The following KANK2 variants were observed in gnomAD, a reference collection of about 807,000 sequenced individuals.
KANK2 encodes KN motif and ankyrin repeat domains 2.
KANK2 carries 41 observed loss-of-function variants against 74.6 expected under a neutral mutation model. That is an observed-to-expected ratio of 0.55 (90% CI 0.43 to 0.71). The LOEUF (loss-of-function observed/expected upper bound fraction) is 0.71. Among genes scored for constraint, KANK2 ranks in the 30% least tolerant of loss-of-function variants. The pLI is 0.00. For synonymous variants in KANK2, 537 were observed against 519.0 expected, an observed-to-expected ratio of 1.03 and a Z score of -0.47; for missense variants, 1,148 against 1,196.4, an observed-to-expected ratio of 0.96 and a Z score of 0.60.
At chr19:11,192,538 G>A (rs905843565) in intron 4 of KANK2, 4 of 366,276 alleles carry the variant, frequency 1.1e-5, no homozygotes, top group South Asian at 2.1e-5. Flanking sequence ...TAGTTCAAGC[G>A]ATTCTCCTGC....
chr19:11,188,438 C>T (rs937469018), intron 4 of KANK2, among the ~76,000 whole-genome samples: 1 of 151,664 alleles, frequency 6.6e-6, no homozygotes, highest in African/African-American at 2.4e-5. Flanking sequence ...CTCCTGACCT[C>T]AGGTGATCTG....
Position 11,164,965 on chromosome 19 carries a change from A to G in KANK2, c.*1593T>C, listed in dbSNP as rs1042683298. On this transcript the variant is annotated 3_prime_UTR_variant, in exon 13 of 13. Coordinates refer to ENST00000586659, the MANE Select transcript of KANK2 (RefSeq NM_001136191.3). ...CTTTAAAGCCTTGGAGGCTGAGCTCACTGGCCTCGAAAGGGCAGCGCGCGT... is the reference window on the plus strand; with the variant it reads ...CTTTAAAGCCTTGGAGGCTGAGCTCGCTGGCCTCGAAAGGGCAGCGCGCGT... The G allele has an allele frequency of 4.6e-5, 7 of 152,144 alleles. No homozygotes were observed. Among genetic ancestry groups the G allele is most frequent in the African/African-American group, 1.7e-4 (7 of 41,440 alleles). 9.4% of individuals were successfully genotyped at this position (152,144 alleles called of 1,614,324 possible).
chr19:11,177,599 G>A (rs1399415491), intron 6 of KANK2, among the ~76,000 whole-genome samples: 1 of 151,994 alleles, frequency 6.6e-6, no homozygotes, highest in Non-Finnish European at 1.5e-5. Context: ...TGATCCACCC[G>A]CCTCAGCCTC....
In KANK2 at chr19:11,193,048, G is replaced by C. The variant is rs376034866; in HGVS notation, c.1032C>G (p.Ser344Arg). Residue 344 changes from serine (S) to arginine (R), a missense_variant, in exon 4 of 13, where the codon AGC becomes AGG. Physicochemically the swap from Ser to Arg is moderately radical, Grantham distance 110 (BLOSUM62 -1). Coordinates refer to ENST00000586659, the MANE Select transcript of KANK2 (RefSeq NM_001136191.3). The surrounding 1 kb of genome is among the most constrained non-coding windows in gnomAD (Gnocchi z 9.6). ...EGPREVEVVA[S>R]TAAGAPAQRA... ...GCTGTGCGGGGGCGCCAGCGGCTGT[G>C]CTGGCCACCACCTCCACCTCCCGTG... The C allele has an allele frequency of 2.5e-6, 4 of 1,611,436 alleles. No individual in the cohort carries two copies. The African/African-American group carries it at 4.0e-5, about 16-fold the overall frequency.
At chr19:11,188,316 C>G (rs2078735895) in intron 4 of KANK2, among the ~76,000 whole-genome samples, 1 of 151,826 alleles carries the variant, frequency 6.6e-6, no homozygotes, top group African/African-American at 2.4e-5. Context: ...TCAAGCGATT[C>G]TCCTGTCTCA....
Position 11,176,785 on chromosome 19 carries a change from G to T in KANK2, c.1553C>A (p.Ala518Glu). 6.3e-7 allele frequency: 1 copy of T among 1,580,578 alleles called. No homozygotes were observed. ...YESSSEDSSTAENISDNDSTE... is the reference protein window; with the variant it reads ...YESSSEDSSTEENISDNDSTE... ...GCTGTCGTTGTCTGAGATGTTCTCT[G>T]CTGTGCTGGAGTCCTCGGATGACGA... The change falls in exon 7 of 13, where the codon GCA (alanine) becomes GAA (glutamate). Residue 518 changes from alanine to glutamate, a missense_variant. Physicochemically the swap from Ala to Glu is moderately radical, Grantham distance 107. Transcript: ENST00000586659.
chr19:11,180,141 C>T (rs1006666916), intron 4 of KANK2, among the ~76,000 whole-genome samples: 4 of 152,224 alleles, frequency 2.6e-5, no homozygotes, highest in African/African-American at 9.6e-5. Flanking sequence ...CGGAGCAGCA[C>T]CGCCCAGCCC....
rs758844750 is a variant in KANK2 at position 11,193,655 on chromosome 19, G to A, written c.425C>T (p.Pro142Leu). 2 of 1,601,288 alleles carry A rather than the reference G, an allele frequency of 1.2e-6. No homozygotes were observed. Among genetic ancestry groups the A allele is most frequent in the Admixed American group, 3.4e-5 (2 of 59,350 alleles). ...GGGGGTCAGGGAGCCCAGGCCGGTGGGTGTGGCCGCCTGGTCCTCGAGACG... is the reference window on the plus strand; with the variant it reads ...GGGGGTCAGGGAGCCCAGGCCGGTGAGTGTGGCCGCCTGGTCCTCGAGACG... ...RRRLEDQAAT[P>L]TGLGSLTPSA... Residue 142 changes from proline to leucine, a missense_variant, in exon 4 of 13, where the codon CCC (proline) becomes CTC (leucine). By Grantham distance (98) the Pro-to-Leu change is moderately conservative. Coordinates refer to ENST00000586659, the MANE Select transcript of KANK2 (RefSeq NM_001136191.3). The surrounding 1 kb of genome is among the most constrained non-coding windows in gnomAD (Gnocchi z 9.6).
intron 12 of KANK2, among the ~76,000 whole-genome samples, chr19:11,167,998 C>T (rs1272777146): frequency 5.4e-5 from 8 of 146,852 alleles, no homozygotes; most frequent in African/African-American, 1.0e-4. Context: ...CGCCATCCCA[C>T]GTCCTTGTTT....
Position 11,193,963 on chromosome 19 carries a change from G to C in KANK2, c.117C>G (p.Gly39=). ...DPPYSVETPY[G]YRLDLDFLKY... ...TGAGGAAGTCCAGGTCCAGGCGGTAGCCATAGGGGGTCTCCACGGAGTAGG... is the reference window on the plus strand; with the variant it reads ...TGAGGAAGTCCAGGTCCAGGCGGTACCCATAGGGGGTCTCCACGGAGTAGG... The change falls in exon 4 of 13, where the codon GGC becomes GGG. Residue 39 remains glycine, a synonymous_variant. Transcript: ENST00000586659. The surrounding 1 kb of genome is among the most constrained non-coding windows in gnomAD (Gnocchi z 9.6). 1 of 1,614,094 alleles carries C rather than the reference G, an allele frequency of 6.2e-7. No homozygotes were observed. The highest frequency in any genetic ancestry group is 8.5e-7 in the Non-Finnish European group (1 of 1,180,008).
chr19:11,184,438 G>A (rs1454280314), intron 4 of KANK2, among the ~76,000 whole-genome samples: 1 of 150,042 alleles, frequency 6.7e-6, no homozygotes, highest in Non-Finnish European at 1.5e-5. Context: ...GTGGGGGAGT[G>A]CCGGAGTTTG....
intron 4 of KANK2, 32 bp from the exon 5 acceptor site, chr19:11,178,752 G>T: frequency 6.7e-7 from 1 of 1,486,890 alleles, no homozygotes; most frequent in South Asian, 1.4e-5. Context: ...GTCTGCTCTT[G>T]GTCATAAAAG....
rs1325093705 is a variant in KANK2, at chr19:11,165,113, C to T, written c.*1445G>A. The T allele has an allele frequency of 6.8e-6, 1 of 146,516 alleles. No individual in the cohort carries two copies. The highest frequency in any genetic ancestry group is 1.5e-5 in the Non-Finnish European group (1 of 66,428). 9.1% of individuals were successfully genotyped at this position (146,516 alleles called of 1,614,324 possible). A position where few individuals can be genotyped will look rare whatever the true frequency, so the allele number is the denominator to read the frequency against. ...CAATGATGTGGAGATTCTTAGGGGA[C>T]CAAAACAGGCCATGAAGGAAACTGT... On this transcript the variant is annotated 3_prime_UTR_variant, in exon 13 of 13. Coordinates refer to ENST00000586659, the MANE Select transcript of KANK2 (RefSeq NM_001136191.3).
chr19:11,176,050 C>T, intron 7 of KANK2, 61 bp from the exon 8 acceptor site: 2 of 1,318,522 alleles, frequency 1.5e-6, no homozygotes, highest in Admixed American at 3.5e-5. Context: ...TGGGAAGGGA[C>T]TTGACATTCT....
At chr19:11,194,694 AG>A in intron 2 of KANK2, 104 bp from the exon 3 acceptor site, 1 of 559,982 alleles carries the variant, frequency 1.8e-6, no homozygotes, top group Non-Finnish European at 3.3e-6. Flanking sequence ...CCCCCAACCC[AG>A]GTCTGGGACC....
Position 11,176,730 on chromosome 19 carries a change from C to G in KANK2, c.1608G>C (p.Glu536Asp). Residue 536 changes from glutamate to aspartate, a missense_variant, in exon 7 of 13, where the codon GAG becomes GAC. Transcript: ENST00000586659. ...STENEAPEPR[E>D]RVPSVAEAPQ... ...GGGCTTCGGCCACACTCGGAACCCTCTCCCTCGGCTCTGGGGCCTCGTTCT... is the reference window on the plus strand; with the variant it reads ...GGGCTTCGGCCACACTCGGAACCCTGTCCCTCGGCTCTGGGGCCTCGTTCT... 4 of 1,610,296 alleles carry G rather than the reference C, an allele frequency of 2.5e-6. No individual in the cohort carries two copies. The highest frequency in any genetic ancestry group is 3.4e-6 in the Non-Finnish European group (4 of 1,177,846).
At chr19:11,194,784 A>C in intron 2 of KANK2, 194 bp from the exon 3 acceptor site, 5 of 381,324 alleles carry the variant, frequency 1.3e-5, no homozygotes, top group East Asian at 5.6e-5. Context: ...GGAACAAAGA[A>C]ACCAAACCTC....
intron 12 of KANK2, among the ~76,000 whole-genome samples, chr19:11,167,589 G>A (rs537294498): frequency 1.0e-4 from 15 of 146,742 alleles, no homozygotes; most frequent in African/African-American, 2.3e-4. Context: ...GTGCAGTGGC[G>A]CGATCTCAGC....
At chr19:11,180,807 C>T (rs954363435) in intron 4 of KANK2, among the ~76,000 whole-genome samples, 4 of 152,014 alleles carry the variant, frequency 2.6e-5, no homozygotes, top group Admixed American at 1.3e-4. Flanking sequence ...CTGGAGAGGC[C>T]GGGCGCAGTA....
Sources: gnomAD v4.1 joint callset for allele counts (sites outside exome capture counted in the v4.1 genomes callset) on GRCh38, gnomAD v4.1.1 for gene constraint, Gnocchi (gnomAD v3.1) non-coding constraint, MANE v1.5 for transcripts, NCBI Gene and HGNC (gene_info 2026-07-23, HGNC 2026-07-21) for gene names.